CYP26C1: variants seen among roughly 807,000 people sequenced by gnomAD.
The protein encoded by CYP26C1 is cytochrome P450 26C1.
A neutral mutation model predicts 39.1 loss-of-function variants in CYP26C1; 41 were observed. That is an observed-to-expected ratio of 1.05 (90% CI 0.82 to 1.36). CYP26C1 has a LOEUF of 1.36. CYP26C1 is among the 40% of genes most tolerant of loss of function. The probability of loss-of-function intolerance (pLI) is 0.00; values close to 1 mark genes in which losing one functional copy is unlikely to be tolerated. For missense variants in CYP26C1, 833 were observed against 752.0 expected, an observed-to-expected ratio of 1.11 and a Z score of -1.26; for synonymous variants, 362 against 350.8, an observed-to-expected ratio of 1.03 and a Z score of -0.36.
intron 4 of CYP26C1, 176 bp downstream of exon 4, chr10:93,064,712 A>C (rs1846801010): frequency 1.5e-6 from 2 of 1,354,488 alleles, no homozygotes; most frequent in East Asian, 2.9e-5. Context: ...CACACTCACT[A>C]CCTCTGCAGC....
At chr10:93,062,446 G>A (rs2134411319) in intron 2 of CYP26C1, among the ~76,000 whole-genome samples, 1 of 152,314 alleles carries the variant, frequency 6.6e-6, no homozygotes, top group East Asian at 1.9e-4. Flanking sequence ...CCCATCTTCC[G>A]TGGCTGTGAT....
In CYP26C1 at chr10:93,062,161, A is replaced by C. The variant is rs201284617; in HGVS notation, c.356A>C (p.Gln119Pro). The C allele has an allele frequency of 1.0e-3, 1,585 of 1,540,496 alleles. 13 individuals carry two copies. The highest frequency in any genetic ancestry group is 4.5e-3 in the East Asian group (186 of 40,932). ...CGCCTGGTGCGCAGCCAGTGGCCGC[A>C]GAGTGCGCACATCCTGCTGGGCTCG... is the stretch of plus-strand genomic sequence containing the variant. ...EHRLVRSQWPQSAHILLGSHT... is the reference protein window; with the variant it reads ...EHRLVRSQWPPSAHILLGSHT... The change falls in exon 2 of 6, where the codon CAG becomes CCG. Residue 119 changes from glutamine to proline, a missense_variant. Gln to Pro is a moderately conservative substitution (Grantham distance 76, BLOSUM62 -1). Coordinates refer to ENST00000651965, the MANE Select transcript of CYP26C1 (RefSeq NM_183374.3).
intron 1 of CYP26C1, 123 bp from the exon 2 acceptor site, chr10:93,061,887 C>A: frequency 1.0e-6 from 1 of 965,536 alleles, no homozygotes; most frequent in Non-Finnish European, 1.5e-6. Flanking sequence ...CACTGGGGAT[C>A]TTGTTTTGTA....
chr10:93,062,616 T>C, intron 2 of CYP26C1, 104 bp from the exon 3 acceptor site: 1 of 1,092,618 alleles, frequency 9.2e-7, no homozygotes, highest in South Asian at 1.9e-5. Flanking sequence ...TCTGGGCCGC[T>C]TGGAAGAGGG....
In CYP26C1 at chr10:93,065,840, C is replaced by G. The variant is rs1846817261; in HGVS notation, c.862-116C>G. 4 of 1,014,096 alleles carry G rather than the reference C, an allele frequency of 3.9e-6. No homozygotes were observed. In the South Asian group the frequency reaches 1.0e-4, roughly 25 times the overall value. 62.8% of individuals were successfully genotyped at this position (1,014,096 alleles called of 1,614,324 possible). On this transcript the variant is annotated intron_variant, in intron 4 of 5. Coordinates refer to ENST00000651965, the MANE Select transcript of CYP26C1 (RefSeq NM_183374.3). ...GCGGCGGTAATAGCACTTCCCTGCC[C>G]CCTGGCTTTTCGCAATAGTAAATTT...
intron 1 of CYP26C1, 71 bp from the exon 2 acceptor site, chr10:93,061,939 C>T (rs1490803370): frequency 8.3e-6 from 12 of 1,452,260 alleles, no homozygotes; most frequent in Non-Finnish European, 9.3e-6. Flanking sequence ...CAAAAGGCAG[C>T]TGGAAGGTCT....
rs770136550 is a variant in CYP26C1 at position 93,062,975 on chromosome 10, C to G, written c.685C>G (p.Pro229Ala). 18 of 1,593,200 alleles carry G rather than the reference C, an allele frequency of 1.1e-5. No individual in the cohort carries two copies. In the Admixed American group the frequency reaches 2.4e-4, roughly 21 times the overall value. ...ENLFSLPLDVPFSGLRKGIRA... is the reference protein window; with the variant it reads ...ENLFSLPLDVAFSGLRKGIRA... ...CCTCTTCTCACTGCCTCTGGACGTTCCCTTCAGTGGCCTACGCAAGGTACG... is the reference window on the plus strand; with the variant it reads ...CCTCTTCTCACTGCCTCTGGACGTTGCCTTCAGTGGCCTACGCAAGGTACG... Residue 229 changes from proline (P) to alanine (A), a missense_variant, in exon 3 of 6, where the codon CCC (proline) becomes GCC (alanine). Transcript: ENST00000651965.
At chr10:93,065,168 G>A (rs1846808791) in intron 4 of CYP26C1, among the ~76,000 whole-genome samples, 1 of 152,130 alleles carries the variant, frequency 6.6e-6, no homozygotes, top group African/African-American at 2.4e-5. Context: ...TAGGGGGAGG[G>A]GAAGTTAGAA....
chr10:93,063,147 G>A, intron 3 of CYP26C1, 152 bp downstream of exon 3: 2 of 1,397,176 alleles, frequency 1.4e-6, no homozygotes, highest in Non-Finnish European at 1.8e-6. Flanking sequence ...CGTTGTGGCG[G>A]TGGCGTGGCG....
chr10:93,064,146 C>G, intron 3 of CYP26C1: 2 of 1,283,892 alleles, frequency 1.6e-6, no homozygotes, highest in African/African-American at 1.5e-5. Flanking sequence ...GACAGTAACT[C>G]TGCTGTGGCT....
Position 93,066,001 on chromosome 10 carries a change from A to G in CYP26C1, c.907A>G (p.Ser303Gly), listed in dbSNP as rs940219271. 1.9e-6 allele frequency: 3 copies of G among 1,584,162 alleles called. No individual in the cohort carries two copies. The highest frequency in any genetic ancestry group is 1.4e-5 in the African/African-American group (1 of 72,066). ...CTTCGCCGCCTTCTTCACCACGGCC[A>G]GTGCCAGCACCTCGCTCGTCCTGCT... ...LLFAAFFTTA[S>G]ASTSLVLLLL... Residue 303 changes from serine (S) to glycine (G), a missense_variant, in exon 5 of 6, where the codon AGT becomes GGT. Ser to Gly is a moderately conservative substitution (Grantham distance 56). Coordinates refer to ENST00000651965, the MANE Select transcript of CYP26C1 (RefSeq NM_183374.3).
intron 4 of CYP26C1, 54 bp downstream of exon 4, chr10:93,064,590 C>A: frequency 6.4e-7 from 1 of 1,571,332 alleles, no homozygotes; most frequent in Non-Finnish European, 8.7e-7. Context: ...CAGCAGGTCC[C>A]TACACCAATG....
chr10:93,063,283 G>T (rs1387166710), intron 3 of CYP26C1: 3 of 1,181,042 alleles, frequency 2.5e-6, no homozygotes, highest in Non-Finnish European at 3.1e-6. Context: ...CCAGAGTTTG[G>T]GGTCTCGGTG....
intron 5 of CYP26C1, 48 bp from the exon 6 acceptor site, chr10:93,068,272 C>A (rs775374051): frequency 2.0e-6 from 3 of 1,480,890 alleles, no homozygotes; most frequent in Admixed American, 5.0e-5. Flanking sequence ...AGGGCCCCCC[C>A]GTTTCCAGGT....
chr10:93,065,888 G>A (rs957399895), intron 4 of CYP26C1, 68 bp from the exon 5 acceptor site: 17 of 1,411,638 alleles, frequency 1.2e-5, no homozygotes, highest in Non-Finnish European at 1.5e-5. Flanking sequence ...TCTCCACGGG[G>A]CCGTCGGGTC....
chr10:93,061,832 A>G (rs953554255), intron 1 of CYP26C1, among the ~76,000 whole-genome samples, 178 bp from the exon 2 acceptor site: 3 of 152,156 alleles, frequency 2.0e-5, no homozygotes, highest in South Asian at 2.1e-4. Context: ...CATCTCACCA[A>G]TAGGAACAGG....
Position 93,061,253 on chromosome 10 carries a change from G to C in CYP26C1, c.-11G>C, listed in dbSNP as rs779778654. 6.4e-7 allele frequency: 1 copy of C among 1,558,360 alleles called. No homozygotes were observed. Among genetic ancestry groups the C allele is most frequent in the Non-Finnish European group, 8.7e-7 (1 of 1,154,194 alleles). On this transcript the variant is annotated 5_prime_UTR_variant, in exon 1 of 6. Transcript: ENST00000651965. ...CTGCGCTCTGAGCGGCCTGGCCCCC[G>C]CGGGCTCATCATGTTCCCTTGGGGG...
Position 93,062,147 on chromosome 10 carries a change from C to T in CYP26C1, c.342C>T (p.Arg114=). The T allele has an allele frequency of 1.3e-6, 2 of 1,543,396 alleles. No homozygotes were observed. Among genetic ancestry groups the T allele is most frequent in the East Asian group, 2.4e-5 (1 of 41,032 alleles). ...TILLGEHRLV[R]SQWPQSAHIL... Reference sequence around the variant, plus strand: ...TGCTGGGCGAGCACCGCCTGGTGCGCAGCCAGTGGCCGCAGAGTGCGCACA... The same window carrying T: ...TGCTGGGCGAGCACCGCCTGGTGCGTAGCCAGTGGCCGCAGAGTGCGCACA... The change falls in exon 2 of 6, where the codon CGC becomes CGT. Residue 114 remains arginine (R), a synonymous_variant. Transcript: ENST00000651965.
intron 3 of CYP26C1, chr10:93,064,151 G>T: frequency 7.7e-7 from 1 of 1,296,366 alleles, no homozygotes; most frequent in Non-Finnish European, 1.0e-6. Context: ...TAACTCTGCT[G>T]TGGCTCAGAG....
Sources: allele counts gnomAD v4.1 joint callset (sites outside exome capture counted in the v4.1 genomes callset), GRCh38; gene constraint gnomAD v4.1.1; transcripts MANE v1.5; gene names NCBI Gene and HGNC (gene_info 2026-07-23, HGNC 2026-07-21).